LAMA2: variants seen among roughly 807,000 people sequenced by gnomAD.
LAMA2 encodes laminin subunit alpha-2.
LAMA2 carries 269 observed loss-of-function variants against 364.8 expected under a neutral mutation model. The observed-to-expected ratio is 0.74, with a 90% confidence interval of 0.67 to 0.82. The LOEUF (loss-of-function observed/expected upper bound fraction) is 0.82. Ranked by LOEUF, LAMA2 falls within the 40% of genes least tolerant of loss-of-function variation. The pLI is 0.00. For synonymous variants in LAMA2, 1,379 were observed against 1,370.6 expected (o/e 1.01, Z -0.14); for missense variants, 3,807 against 3,873.2 (o/e 0.98, Z 0.45).
intron 1 of LAMA2, among the ~76,000 whole-genome samples, chr6:128,925,206 T>C (rs550506130): frequency 6.6e-6 from 1 of 152,312 alleles, no homozygotes; most frequent in South Asian, 2.1e-4. Flanking sequence ...TGAAAAGATA[T>C]TTATACATCT....
At chr6:129,375,524 TTAA>T (rs2114638987) in intron 34 of LAMA2, among the ~76,000 whole-genome samples, 1 of 152,350 alleles carries the variant, frequency 6.6e-6, no homozygotes, top group South Asian at 2.1e-4. Flanking sequence ...TGGATACTTA[TTAA>T]TTTTACTTGA....
chr6:129,071,777 A>G (rs918680921), intron 3 of LAMA2, among the ~76,000 whole-genome samples: 3 of 152,004 alleles, frequency 2.0e-5, no homozygotes, highest in Non-Finnish European at 4.4e-5. Flanking sequence ...TGTATTTTCA[A>G]TTCTTTGAGA....
chr6:129,268,150 T>C (rs1787642588), intron 16 of LAMA2, among the ~76,000 whole-genome samples: 2 of 152,096 alleles, frequency 1.3e-5, no homozygotes, highest in African/African-American at 4.8e-5. Flanking sequence ...TTTGTTTCAG[T>C]GTAATTTGGC....
intron 4 of LAMA2, among the ~76,000 whole-genome samples, chr6:129,105,073 A>G (rs1437437657): frequency 6.6e-6 from 1 of 152,150 alleles, no homozygotes; most frequent in Non-Finnish European, 1.5e-5. Flanking sequence ...TAGAAGGGCA[A>G]TTTTCTATCA....
intron 1 of LAMA2, among the ~76,000 whole-genome samples, chr6:128,906,638 A>C (rs1264683013): frequency 1.3e-5 from 2 of 151,968 alleles, no homozygotes; most frequent in African/African-American, 2.4e-5. Context: ...TCTTTAGTTT[A>C]ATTAGATCCC....
chr6:129,079,292 C>A (rs1773876381), intron 3 of LAMA2, among the ~76,000 whole-genome samples: 1 of 152,070 alleles, frequency 6.6e-6, no homozygotes, highest in African/African-American at 2.4e-5. Flanking sequence ...TGTTAAATCT[C>A]TTACTGTGCC....
chr6:129,500,821 C>T (rs1044183173), intron 58 of LAMA2, among the ~76,000 whole-genome samples: 11 of 152,126 alleles, frequency 7.2e-5, no homozygotes, highest in South Asian at 4.1e-4. Context: ...TGTACAACTG[C>T]CACCTTGAAA....
At chr6:129,268,514 A>T (rs1196703963) in intron 16 of LAMA2, among the ~76,000 whole-genome samples, 1 of 152,098 alleles carries the variant, frequency 6.6e-6, no homozygotes, top group African/African-American at 2.4e-5. Flanking sequence ...ATTCATTAGG[A>T]TAAAATCAAA....
chr6:128,888,438 C>A (rs1403379398), intron 1 of LAMA2, among the ~76,000 whole-genome samples: 2 of 152,138 alleles, frequency 1.3e-5, no homozygotes, highest in African/African-American at 4.8e-5. Context: ...AAAAGAACAC[C>A]TATATTGTAT....
intron 1 of LAMA2, among the ~76,000 whole-genome samples, chr6:129,048,563 C>A (rs1173569027): frequency 8.1e-6 from 1 of 122,918 alleles, no homozygotes; most frequent in African/African-American, 3.2e-5. Flanking sequence ...CTCTCTCTCT[C>A]TCTCTTTCTT....
At chr6:128,998,119 G>C (rs1054145496) in intron 1 of LAMA2, among the ~76,000 whole-genome samples, 2 of 152,086 alleles carry the variant, frequency 1.3e-5, no homozygotes, top group Non-Finnish European at 2.9e-5. Context: ...GAGGAAAAGA[G>C]GTCAGCGAGG....
chr6:129,379,324 T>C (rs1179231762), intron 34 of LAMA2, among the ~76,000 whole-genome samples: 1 of 131,882 alleles, frequency 7.6e-6, no homozygotes, highest in Non-Finnish European at 1.6e-5. Context: ...TATGCATGGG[T>C]TTTTTTTTTT....
intron 15 of LAMA2, among the ~76,000 whole-genome samples, chr6:129,261,641 G>C (rs146472526): frequency 7.9e-5 from 12 of 152,122 alleles, no homozygotes; most frequent in Non-Finnish European, 1.6e-4. Flanking sequence ...GTACTGAGAT[G>C]TTCCACTTCA....
At chr6:129,150,046 T>C (rs1481672740) in intron 7 of LAMA2, among the ~76,000 whole-genome samples, 1 of 152,192 alleles carries the variant, frequency 6.6e-6, no homozygotes, top group Non-Finnish European at 1.5e-5. Context: ...GCATATATGC[T>C]ATTAGCTCTC....
chr6:129,445,445 A>G (rs577344964), intron 44 of LAMA2, among the ~76,000 whole-genome samples: 1 of 152,350 alleles, frequency 6.6e-6, no homozygotes, highest in African/African-American at 2.4e-5. Context: ...TTAATCAAAA[A>G]GAAAAAGTGG....
At position 129,117,213 on chromosome 6, in the gene LAMA2, C is replaced by T. The variant is rs371927609; in HGVS notation, c.639+18798C>T. ...TTCTCAGAGCAAATTTAATGCAGTC[C>T]TTATGTAAGGATGTCAGATAGAAAA... On this transcript the variant is annotated intron_variant, in intron 4 of 64. Transcript: ENST00000421865. Among the ~76,000 whole-genome samples the T allele has an allele frequency of 4.6e-5, 7 of 152,118 alleles. No individual in the cohort carries two copies. The South Asian group carries it at 1.5e-3, about 32-fold the overall frequency.
intron 40 of LAMA2, among the ~76,000 whole-genome samples, chr6:129,418,319 A>G (rs1229698340): frequency 1.3e-5 from 2 of 151,998 alleles, no homozygotes; most frequent in African/African-American, 4.8e-5. Context: ...TCACTATTTT[A>G]TACTCAATAT....
chr6:128,883,795 T>TACACACACACACACAC (rs1189690006), intron 1 of LAMA2, among the ~76,000 whole-genome samples: 5 of 132,916 alleles, frequency 3.8e-5, no homozygotes, highest in African/African-American at 1.7e-4. Flanking sequence ...ATTATATATA[T>TACACACACACACACAC]ATATATACAC....
chr6:128,959,203 C>T (rs892308513), intron 1 of LAMA2, among the ~76,000 whole-genome samples: 22 of 152,054 alleles, frequency 1.4e-4, no homozygotes, highest in Non-Finnish European at 2.8e-4. Flanking sequence ...TTATTAAACT[C>T]CCTTCAGTAT....
Sources: allele counts gnomAD v4.1 joint callset (sites outside exome capture counted in the v4.1 genomes callset), GRCh38; gene constraint gnomAD v4.1.1; transcripts MANE v1.5; gene names NCBI Gene and HGNC (gene_info 2026-07-23, HGNC 2026-07-21).